DHTKD1: variants seen among roughly 807,000 people sequenced by gnomAD.
DHTKD1 encodes dehydrogenase E1 and transketolase domain containing 1, also known as 2-oxoadipate dehydrogenase complex component E1.
A neutral mutation model predicts 101.8 loss-of-function variants in DHTKD1; 78 were observed. That is an observed-to-expected ratio of 0.77 (90% confidence interval 0.64 to 0.93). The LOEUF (loss-of-function observed/expected upper bound fraction) is 0.93, where lower values mean the gene tolerates loss of function less well. Among genes scored for constraint, DHTKD1 ranks in the 40% least tolerant of loss-of-function variants. DHTKD1 has a pLI of 0.00. For synonymous variants in DHTKD1, 462 were observed against 450.3 expected, an observed-to-expected ratio of 1.03 and a Z score of -0.33; for missense variants, 1,223 against 1,161.7, an observed-to-expected ratio of 1.05 and a Z score of -0.77.
intron 1 of DHTKD1, among the ~76,000 whole-genome samples, chr10:12,072,083 T>A (rs189815980): frequency 7.9e-4 from 121 of 152,280 alleles, no homozygotes; most frequent in African/African-American, 2.7e-3. Context: ...TCACTGGCCT[T>A]CTTTCTTCAT....
intron 14 of DHTKD1, among the ~76,000 whole-genome samples, chr10:12,118,345 T>G (rs1291564254): frequency 6.6e-6 from 1 of 151,760 alleles, no homozygotes; most frequent in Non-Finnish European, 1.5e-5. Context: ...CATGAGGACT[T>G]TAAATCTGCA....
intron 13 of DHTKD1, among the ~76,000 whole-genome samples, chr10:12,115,156 G>T (rs1053050313): frequency 1.3e-5 from 2 of 151,098 alleles, no homozygotes; most frequent in African/African-American, 4.9e-5. Flanking sequence ...TGGAGAGCGC[G>T]ATCTTGGCTC....
chr10:12,095,524 A>G (rs2131363487), intron 7 of DHTKD1, among the ~76,000 whole-genome samples: 1 of 151,116 alleles, frequency 6.6e-6, no homozygotes, highest in East Asian at 1.9e-4. Context: ...CTAAAAATAG[A>G]AAAATTTGGC....
In DHTKD1 at chr10:12,097,667, T is replaced by C; in HGVS notation, c.1359-17T>C. 1 of 1,589,810 alleles carries C rather than the reference T, an allele frequency of 6.3e-7. No homozygotes were observed. The highest frequency in any genetic ancestry group is 1.2e-5 in the South Asian group (1 of 86,418). ...TACAGGTCAGACTGATTTTTGTTTC[T>C]TCTCTTTCTTGGGCAGAGCTCGAAA... On this transcript the variant is annotated splice_polypyrimidine_tract_variant and intron_variant, in intron 7 of 16. Transcript: ENST00000263035.
intron 1 of DHTKD1, among the ~76,000 whole-genome samples, chr10:12,078,471 G>C (rs1017559132): frequency 6.6e-6 from 1 of 151,766 alleles, no homozygotes. Flanking sequence ...AATTAGCCGG[G>C]CATGGCGGCA....
At chr10:12,108,665 G>C (rs1487803347) in intron 12 of DHTKD1, among the ~76,000 whole-genome samples, 1 of 152,120 alleles carries the variant, frequency 6.6e-6, no homozygotes, top group Non-Finnish European at 1.5e-5. Context: ...CCTTTTGCAT[G>C]TTATTTCCTT....
At chr10:12,100,285 C>CTGTTTTTTTGTTT in intron 9 of DHTKD1, 23 bp downstream of exon 9, 3 of 228,240 alleles carry the variant, frequency 1.3e-5, no homozygotes, top group South Asian at 6.1e-5. Flanking sequence ...TTTTTTTTTT[C>CTGTTTTTTTGTTT]TGTTTTTTTT....
Position 12,118,730 on chromosome 10 carries a change from T to C in DHTKD1, c.2403-19T>C, listed in dbSNP as rs1833465951. ...AAAAAATTTCTCCCCCACCCTATTG[T>C]TCCTTTTCTGTCCAACAGGGTTAAG... is the stretch of plus-strand genomic sequence containing the variant. On this transcript the variant is annotated intron_variant, in intron 14 of 16. Coordinates refer to ENST00000263035, the MANE Select transcript of DHTKD1 (RefSeq NM_018706.7). 1 of 1,487,884 alleles carries C rather than the reference T, an allele frequency of 6.7e-7. No individual in the cohort carries two copies. Among genetic ancestry groups the C allele is most frequent in the African/African-American group, 1.4e-5 (1 of 69,786 alleles). The allele number at this position is 1,487,884 out of a possible 1,614,324, so 92.2% of individuals were successfully genotyped here. A position where few individuals can be genotyped will look rare whatever the true frequency, so the allele number is the denominator to read the frequency against.
At chr10:12,093,942 G>A (rs1833029774) in intron 6 of DHTKD1, 131 bp from the exon 7 acceptor site, 4 of 759,470 alleles carry the variant, frequency 5.3e-6, no homozygotes, top group South Asian at 5.0e-5. Flanking sequence ...CTCCAAAGCT[G>A]GGGTTGTTAA....
rs185465127 is a variant in DHTKD1 at position 12,118,592 on chromosome 10, C to T, written c.2403-157C>T. Among the ~76,000 whole-genome samples, 13,971 of 151,828 alleles carry T rather than the reference C, an allele frequency of 0.092. 833 individuals carry two copies. The highest frequency in any genetic ancestry group is 0.22 in the East Asian group (1,126 of 5,102). On this transcript the variant is annotated intron_variant, in intron 14 of 16. Transcript: ENST00000263035. ...AGAGACAGGGTTTCACCGTGTTAGC[C>T]AGGATGGTCTTGATTTCCTGACCTC...
At chr10:12,090,381 CTTCCT>C (rs1458919092) in intron 5 of DHTKD1, among the ~76,000 whole-genome samples, 1 of 44,988 alleles carries the variant, frequency 2.2e-5, no homozygotes, top group Non-Finnish European at 8.0e-5. Flanking sequence ...TCCTTCCTTC[CTTCCT>C]TTTTTCCTTC....
In DHTKD1 at chr10:12,108,029, C is replaced by T. The variant is rs1588616306; in HGVS notation, c.2154+14C>T. ...CGTTTCCTGCAGGTAAGGGTAACGTCTTCCGGAGTCAATGAATCATTTTCC... is the reference window on the plus strand; with the variant it reads ...CGTTTCCTGCAGGTAAGGGTAACGTTTTCCGGAGTCAATGAATCATTTTCC... On this transcript the variant is annotated intron_variant, in intron 12 of 16. Coordinates refer to ENST00000263035, the MANE Select transcript of DHTKD1 (RefSeq NM_018706.7). The T allele has an allele frequency of 4.4e-6, 7 of 1,587,760 alleles. No individual in the cohort carries two copies. In the East Asian group the frequency reaches 1.6e-4, roughly 36 times the overall value.
chr10:12,097,903 G>A lies in DHTKD1; in HGVS notation c.1578G>A (p.Val526=), dbSNP rs1396210691. 2 of 1,614,198 alleles carry A rather than the reference G, an allele frequency of 1.2e-6. No homozygotes were observed. Among genetic ancestry groups the A allele is most frequent in the South Asian group, 1.1e-5 (1 of 91,088 alleles). Residue 526 remains valine (V), a synonymous_variant, in exon 8 of 17, where the codon GTG becomes GTA. Transcript: ENST00000263035. ...AAATCACCACCTGGAGTACAGGTGT[G>A]CCCCTCGACCTCCTGCGGTTTGTTG... ...EAQITTWSTG[V]PLDLLRFVGM...
In DHTKD1 at chr10:12,069,156, C is replaced by G; in HGVS notation, c.123C>G (p.Arg41=). 3.2e-6 allele frequency: 5 copies of G among 1,567,602 alleles called. No homozygotes were observed. Among genetic ancestry groups the G allele is most frequent in the Non-Finnish European group, 4.3e-6 (5 of 1,158,462 alleles). ...ACCGGCCGAGGAAGCCCGAGAGCCG[C>G]GAGCCCCAGGGCGCCCTGGAGCGCC... The part of the protein sequence containing the change: ...YGYRPRKPES[R]EPQGALERPP... Residue 41 remains arginine, a synonymous_variant, in exon 1 of 17, where the codon CGC becomes CGG. Transcript: ENST00000263035.
chr10:12,091,397 G>C, intron 5 of DHTKD1, 116 bp from the exon 6 acceptor site: 1 of 566,124 alleles, frequency 1.8e-6, no homozygotes, highest in South Asian at 3.0e-5. Flanking sequence ...GGGCGAAAGA[G>C]CAAGACTCTG....
Position 12,103,527 on chromosome 10 carries a change from G to GTGTGTGTGTGTA in DHTKD1, c.1896+2347_1896+2348insGTGTGTGTGTAT, listed in dbSNP as rs1833203382. ...TGTGTGTGTGTGTGTGTGTGTGTGT[G>GTGTGTGTGTGTA]TATGTATGTGACAGGTCCTCCTCTG... is the stretch of plus-strand genomic sequence containing the variant. On this transcript the variant is annotated intron_variant, in intron 10 of 16. Transcript: ENST00000263035. This position sits in a 1 kb window ranked among gnomAD's most constrained non-coding sequence, Gnocchi z 4.8. Among the ~76,000 whole-genome samples, 1 of 145,298 alleles carries GTGTGTGTGTGTA rather than the reference G, an allele frequency of 6.9e-6. No individual in the cohort carries two copies. Among genetic ancestry groups the GTGTGTGTGTGTA allele is most frequent in the Admixed American group, 7.0e-5 (1 of 14,252 alleles).
At chr10:12,100,289 T>TTTTTTTTTTG (rs1554793016) in intron 9 of DHTKD1, 27 bp downstream of exon 9, 22 of 819,298 alleles carry the variant, frequency 2.7e-5, no homozygotes, top group East Asian at 5.7e-5. Context: ...TTTTTTCTGT[T>TTTTTTTTTTG]TTTTTTTTTT....
At chr10:12,100,283 TTC>T (rs757532839) in intron 9 of DHTKD1, 21 bp downstream of exon 9, 11 of 929,696 alleles carry the variant, frequency 1.2e-5, no homozygotes, top group Non-Finnish European at 1.4e-5. Context: ...TCTTTTTTTT[TTC>T]TGTTTTTTTT....
intron 6 of DHTKD1, among the ~76,000 whole-genome samples, chr10:12,093,788 A>G (rs189162856): frequency 2.8e-4 from 42 of 152,342 alleles, no homozygotes; most frequent in Middle Eastern, 6.8e-3. Context: ...AGGCATTACA[A>G]TTGTTTGTGC....
Sources: gnomAD v4.1 joint callset for allele counts (sites outside exome capture counted in the v4.1 genomes callset) on GRCh38, gnomAD v4.1.1 for gene constraint, Gnocchi (gnomAD v3.1) non-coding constraint, MANE v1.5 for transcripts, NCBI Gene and HGNC (gene_info 2026-07-23, HGNC 2026-07-21) for gene names.